The following RPS6KA5 variants were observed in gnomAD, a reference collection of about 807,000 sequenced individuals.
RPS6KA5 encodes the protein ribosomal protein S6 kinase A5, also known as ribosomal protein S6 kinase alpha-5.
In RPS6KA5, 27 loss-of-function variants were observed where a neutral mutation model predicts 85.5. The observed-to-expected ratio is 0.32, with a 90% CI of 0.23 to 0.44. The LOEUF (loss-of-function observed/expected upper bound fraction) is 0.44, where lower values mean the gene tolerates loss of function less well. Among genes scored for constraint, RPS6KA5 ranks in the 20% least tolerant of loss-of-function variants. RPS6KA5 has a pLI of 1.00. For synonymous variants in RPS6KA5, 334 were observed against 348.2 expected, an observed-to-expected ratio of 0.96 and a Z score of 0.46; for missense variants, 811 against 980.9, an observed-to-expected ratio of 0.83 and a Z score of 2.31.
In RPS6KA5 at chr14:90,870,562, G is replaced by A. The variant is rs1413167302; in HGVS notation, c.*1512C>T. Reference sequence around the variant, plus strand: ...TATTACATAGAGTGCAATATTTTTAGTATTCATAACTGGTTGAAATTAATG... The same window carrying A: ...TATTACATAGAGTGCAATATTTTTAATATTCATAACTGGTTGAAATTAATG... On this transcript the variant is annotated 3_prime_UTR_variant, in exon 17 of 17. Coordinates refer to ENST00000614987, the MANE Select transcript of RPS6KA5 (RefSeq NM_004755.4). 1.3e-5 allele frequency: 2 copies of A among 151,888 alleles called. No homozygotes were observed. The highest frequency in any genetic ancestry group is 1.5e-5 in the Non-Finnish European group (1 of 67,970). The allele number at this position is 151,888 out of a possible 1,614,324, so 9.4% of individuals were successfully genotyped here.
intron 1 of RPS6KA5, among the ~76,000 whole-genome samples, chr14:91,018,517 C>T (rs1297290202): frequency 2.6e-5 from 4 of 152,232 alleles, no homozygotes; most frequent in Admixed American, 2.6e-4. Context: ...AGAACAAAAG[C>T]AGGCTGAATT....
Position 90,858,983 on chromosome 14 carries a change from G to C in RPS6KA5, c.*13091C>G, listed in dbSNP as rs1234360187. 1.3e-5 allele frequency: 2 copies of C among 152,210 alleles called. No individual in the cohort carries two copies. The highest frequency in any genetic ancestry group is 3.8e-4 in the East Asian group (2 of 5,198). 9.4% of individuals were successfully genotyped at this position (152,210 alleles called of 1,614,324 possible). On this transcript the variant is annotated 3_prime_UTR_variant, in exon 17 of 17. Transcript: ENST00000614987. ...CCAATTGCAGACTCCTGTGCAACAAGGTGAGACTTCAAGAAATCCAGCAAA... is the reference window on the plus strand; with the variant it reads ...CCAATTGCAGACTCCTGTGCAACAACGTGAGACTTCAAGAAATCCAGCAAA...
At chr14:90,998,335 G>T (rs953464660) in intron 2 of RPS6KA5, among the ~76,000 whole-genome samples, 5 of 152,126 alleles carry the variant, frequency 3.3e-5, no homozygotes, top group African/African-American at 1.2e-4. Flanking sequence ...CCACTGAATT[G>T]CACACTTTAA....
At position 90,890,517 on chromosome 14, in the gene RPS6KA5, G is replaced by T. The variant is rs145941322; in HGVS notation, c.1806C>A (p.Ser602=). The change falls in exon 14 of 17, where the codon TCC becomes TCA. Residue 602 remains serine (S), a synonymous_variant. Transcript: ENST00000614987. Reference sequence around the variant, plus strand: ...TGACGCCCAAGCTCCACAGGTCACAGGACTCATCGTAGCCGTTCTGATTCA... The same window carrying T: ...TGACGCCCAAGCTCCACAGGTCACATGACTCATCGTAGCCGTTCTGATTCA... ...ELLNQNGYDE[S]CDLWSLGVIL... is the part of the protein sequence containing the mutation. 4.0e-4 allele frequency: 653 copies of T among 1,613,986 alleles called. 5 individuals carry two copies. In the East Asian group the frequency reaches 0.013, roughly 33 times the overall value.
intron 5 of RPS6KA5, among the ~76,000 whole-genome samples, chr14:90,942,403 CTAG>C (rs2037620453): frequency 6.6e-6 from 1 of 152,114 alleles, no homozygotes; most frequent in Non-Finnish European, 1.5e-5. Flanking sequence ...TCTTGAATAA[CTAG>C]TAGTGCAGAA....
chr14:91,041,684 T>C (rs968912524), intron 1 of RPS6KA5, among the ~76,000 whole-genome samples: 2 of 152,240 alleles, frequency 1.3e-5, no homozygotes, highest in African/African-American at 4.8e-5. Flanking sequence ...AGATTTGTGG[T>C]TGGGCCTCAA....
intron 1 of RPS6KA5, among the ~76,000 whole-genome samples, chr14:91,026,181 A>G (rs2041984200): frequency 6.6e-6 from 1 of 152,116 alleles, no homozygotes; most frequent in Non-Finnish European, 1.5e-5. Flanking sequence ...TGATTTTGTT[A>G]TTTTTTATAG....
chr14:90,913,463 C>A (rs2035943860), intron 7 of RPS6KA5, among the ~76,000 whole-genome samples: 1 of 151,884 alleles, frequency 6.6e-6, no homozygotes, highest in South Asian at 2.1e-4. Context: ...CCAAAAATTG[C>A]CCTTCCTCTC....
intron 1 of RPS6KA5, among the ~76,000 whole-genome samples, chr14:91,003,810 AGCCCTGG>A (rs1215346254): frequency 2.0e-5 from 3 of 152,230 alleles, no homozygotes; most frequent in Non-Finnish European, 4.4e-5. Context: ...AAAAGAGCTT[AGCCCTGG>A]GCTTATGAAG....
intron 1 of RPS6KA5, among the ~76,000 whole-genome samples, chr14:91,041,914 AT>A (rs2042619022): frequency 6.6e-6 from 1 of 152,242 alleles, no homozygotes; most frequent in Non-Finnish European, 1.5e-5. Context: ...AAGAAAACAA[AT>A]GCTTATAAAG....
At chr14:90,940,687 C>A (rs927916665) in intron 5 of RPS6KA5, among the ~76,000 whole-genome samples, 1 of 152,178 alleles carries the variant, frequency 6.6e-6, no homozygotes, top group African/African-American at 2.4e-5. Context: ...ACATGGGCCC[C>A]TAACCCCCAG....
chr14:90,942,893 C>T (rs192629931), intron 5 of RPS6KA5, among the ~76,000 whole-genome samples, 185 bp downstream of exon 5: 4 of 152,248 alleles, frequency 2.6e-5, no homozygotes, highest in African/African-American at 9.6e-5. Flanking sequence ...TCAAGGTTTA[C>T]CGCAATTTTA....
chr14:90,872,174 G>A lies in RPS6KA5; in HGVS notation c.2309C>T (p.Ser770Phe). 6.2e-7 allele frequency: 1 copy of A among 1,613,900 alleles called. No homozygotes were observed. ...SESSHSSSSH[S>F]HGKTTPTKTL... ...CTTGGTGGGTGTAGTTTTACCGTGA[G>A]AATGAGAGGAAGAAGAATGGGAACT... The change falls in exon 17 of 17, where the codon TCT becomes TTT. Residue 770 changes from serine to phenylalanine, a missense_variant. Ser to Phe is a radical substitution (Grantham distance 155). This residue lies in a region of RPS6KA5 where 650 missense variants were observed against 793.4 expected (regional missense o/e 0.82). Transcript: ENST00000614987.
intron 1 of RPS6KA5, among the ~76,000 whole-genome samples, chr14:91,014,899 A>G (rs915727026): frequency 6.6e-6 from 1 of 152,218 alleles, no homozygotes; most frequent in African/African-American, 2.4e-5. Flanking sequence ...AAAATGTTTT[A>G]AAAGTATATG....
chr14:90,983,783 TTCTTTCTCTC>T (rs1239484533), intron 2 of RPS6KA5, among the ~76,000 whole-genome samples: 5 of 131,914 alleles, frequency 3.8e-5, no homozygotes, highest in African/African-American at 1.1e-4. Flanking sequence ...CTTTCTTTCT[TTCTTTCTCTC>T]TCTCTCTCTC....
chr14:90,963,265 C>T lies in RPS6KA5; in HGVS notation c.394+15041G>A, dbSNP rs187705393. The stretch of plus-strand genomic sequence containing the variant: ...CAATAAAATGATGTTACCCTCACTA[C>T]GACATCTCAGGAAGCACGGATGTTA... On this transcript the variant is annotated intron_variant, in intron 3 of 16. Transcript: ENST00000614987. 1.1e-3 allele frequency among the ~76,000 whole-genome samples: 175 copies of T among 152,284 alleles called. 3 individuals carry two copies. The highest frequency in any genetic ancestry group is 0.01 in the Admixed American group (153 of 15,298).
chr14:91,016,883 A>G (rs900197010), intron 1 of RPS6KA5, among the ~76,000 whole-genome samples: 1 of 148,778 alleles, frequency 6.7e-6, no homozygotes, highest in African/African-American at 2.5e-5. Flanking sequence ...AAAAAAAAAA[A>G]ACTGAAGGTA....
intron 7 of RPS6KA5, among the ~76,000 whole-genome samples, chr14:90,912,775 T>C (rs1270287157): frequency 6.6e-6 from 1 of 152,108 alleles, no homozygotes; most frequent in Admixed American, 6.5e-5. Context: ...TTGGCTGGTA[T>C]CCTTATCTGC....
chr14:90,995,706 C>T (rs950308723), intron 2 of RPS6KA5, among the ~76,000 whole-genome samples: 4 of 152,008 alleles, frequency 2.6e-5, no homozygotes, highest in African/African-American at 9.7e-5. Flanking sequence ...GTAATCTAAG[C>T]AGTTGATAGA....
Sources: gnomAD v4.1 joint callset for allele counts (sites outside exome capture counted in the v4.1 genomes callset) on GRCh38, gnomAD v4.1.1 for gene constraint, gnomAD v4.1.1 regional missense constraint, MANE v1.5 for transcripts, NCBI Gene and HGNC (gene_info 2026-07-23, HGNC 2026-07-21) for gene names.